MYOM1: variants seen among roughly 807,000 people sequenced by gnomAD.
MYOM1 encodes myomesin 1.
Under a neutral mutation model 205.3 loss-of-function variants are expected in MYOM1, and 164 were observed. The observed-to-expected ratio is 0.80, with a 90% CI of 0.70 to 0.91. MYOM1 has a LOEUF of 0.91. Among genes scored for constraint, MYOM1 ranks in the 40% least tolerant of loss-of-function variants. The probability of loss-of-function intolerance (pLI) is 0.00; values close to 1 mark genes in which losing one functional copy is unlikely to be tolerated. For synonymous variants in MYOM1, 772 were observed against 789.4 expected (o/e 0.98, Z 0.37); for missense variants, 2,011 against 2,127.3 (o/e 0.95, Z 1.08).
chr18:3,190,496 C>A (rs760122654), intron 3 of MYOM1: 1 of 152,158 alleles, frequency 6.6e-6, no homozygotes, highest in Non-Finnish European at 1.5e-5. Context: ...GATGAGTCCA[C>A]GTTGTTTCTG....
At position 3,176,153 on chromosome 18, in the gene MYOM1, A is replaced by G; in HGVS notation, c.930-19T>C. On this transcript the variant is annotated intron_variant, in intron 5 of 37. Transcript: ENST00000356443. ...TTTATACCTATAACAGAATGGAAAC[A>G]AAATGAAGTAAGTTGAAGTGTAAAC... 1.4e-6 allele frequency: 2 copies of G among 1,453,188 alleles called. No individual in the cohort carries two copies. The highest frequency in any genetic ancestry group is 1.9e-6 in the Non-Finnish European group (2 of 1,035,792). The allele number at this position is 1,453,188 out of a possible 1,614,324, so 90.0% of individuals were successfully genotyped here. A position where few individuals can be genotyped will look rare whatever the true frequency, so the allele number is the denominator to read the frequency against.
At chr18:3,153,458 A>T (rs1456843069) in intron 11 of MYOM1, among the ~76,000 whole-genome samples, 1 of 152,224 alleles carries the variant, frequency 6.6e-6, no homozygotes, top group African/African-American at 2.4e-5. Flanking sequence ...AATAAATAAT[A>T]GCCACAAGGT....
At chr18:3,247,279 G>T in the MYOM1 span, 1 of 152,260 alleles carries the variant, frequency 6.6e-6, no homozygotes, top group Non-Finnish European at 1.5e-5. Context: ...ACTGCACACA[G>T]AGCTAGCATC....
intron 37 of MYOM1, 73 bp downstream of exon 37, chr18:3,071,761 A>G: frequency 6.8e-7 from 1 of 1,466,702 alleles, no homozygotes; most frequent in Non-Finnish European, 9.4e-7. Flanking sequence ...CCTTAAAAGA[A>G]GGAACAAAAT....
At chr18:3,211,474 A>G (rs1412093748) in intron 2 of MYOM1, among the ~76,000 whole-genome samples, 1 of 152,032 alleles carries the variant, frequency 6.6e-6, no homozygotes, top group East Asian at 1.9e-4. Flanking sequence ...ATCATCCAAG[A>G]CTCTACTGAA....
rs1361223083 is a variant in MYOM1, at chr18:3,112,487, G to A, written c.3304-75C>T. ...GTTTTATGTCATTTAAACAGACGGG[G>A]CTCTTCCTCTGTAGTAATGATTTAG... On this transcript the variant is annotated intron_variant, in intron 21 of 37. Coordinates refer to ENST00000356443, the MANE Select transcript of MYOM1 (RefSeq NM_003803.4). 2.6e-6 allele frequency: 3 copies of A among 1,133,056 alleles called. No individual in the cohort carries two copies. In the East Asian group the frequency reaches 7.5e-5, roughly 28 times the overall value. 70.2% of individuals were successfully genotyped at this position (1,133,056 alleles called of 1,614,324 possible).
At chr18:3,149,095 C>T (rs753770155) in intron 13 of MYOM1, 50 bp downstream of exon 13, 32 of 1,549,114 alleles carry the variant, frequency 2.1e-5, no homozygotes, top group Non-Finnish European at 2.9e-5. Context: ...AAAAGGCAAA[C>T]TGCTTAGCAA....
intron 37 of MYOM1, among the ~76,000 whole-genome samples, chr18:3,069,969 A>G (rs749014989): frequency 1.2e-4 from 19 of 152,206 alleles, no homozygotes; most frequent in Admixed American, 3.3e-4. Context: ...TTTTCCAACC[A>G]TGAGGAAATG....
In MYOM1 at chr18:3,094,317, T is replaced by A; in HGVS notation, c.3728-11A>T. The A allele has an allele frequency of 6.3e-7, 1 of 1,587,608 alleles. No homozygotes were observed. Among genetic ancestry groups the A allele is most frequent in the Non-Finnish European group, 8.6e-7 (1 of 1,166,730 alleles). On this transcript the variant is annotated splice_polypyrimidine_tract_variant and intron_variant, in intron 25 of 37. Coordinates refer to ENST00000356443, the MANE Select transcript of MYOM1 (RefSeq NM_003803.4). ...ATTTAACTGGGACAGCTATGAAAAG[T>A]AAAAATAAACACAGTAATTATATTG...
At chr18:3,203,141 A>G (rs953519217) in intron 2 of MYOM1, among the ~76,000 whole-genome samples, 1 of 151,622 alleles carries the variant, frequency 6.6e-6, no homozygotes, top group African/African-American at 2.4e-5. Context: ...GGATACAGCT[A>G]AAGCAGTACT....
rs764117510 is a variant in MYOM1 at position 3,134,764 on chromosome 18, A to G, written c.2270T>C (p.Val757Ala). ...PSRNTDTSVV[V>A]SWEESKDAKE... ...GGCATCTTTGGACTCCTCCCACGAAACTACCACTGAGGTGTCTGTGTTTCT... is the reference window on the plus strand; with the variant it reads ...GGCATCTTTGGACTCCTCCCACGAAGCTACCACTGAGGTGTCTGTGTTTCT... Residue 757 changes from valine to alanine, a missense_variant, in exon 16 of 38, where the codon GTT (valine) becomes GCT (alanine). Physicochemically the swap from Val to Ala is moderately conservative, Grantham distance 64. Coordinates refer to ENST00000356443, the MANE Select transcript of MYOM1 (RefSeq NM_003803.4). 7 of 1,613,674 alleles carry G rather than the reference A, an allele frequency of 4.3e-6. No individual in the cohort carries two copies. In the East Asian group the frequency reaches 1.6e-4, roughly 36 times the overall value.
chr18:3,157,236 G>A (rs1289118240), intron 10 of MYOM1, among the ~76,000 whole-genome samples: 1 of 152,162 alleles, frequency 6.6e-6, no homozygotes, highest in African/African-American at 2.4e-5. Context: ...GGCATTCAGG[G>A]AGCCATTGTT....
chr18:3,129,661 G>T, intron 17 of MYOM1, 142 bp from the exon 18 acceptor site: 1 of 791,922 alleles, frequency 1.3e-6, no homozygotes, highest in Admixed American at 3.1e-5. Flanking sequence ...GCTCACATTT[G>T]CAAGAAATAT....
chr18:3,246,597 G>A, the MYOM1 span: 1 of 152,176 alleles, frequency 6.6e-6, no homozygotes, highest in Non-Finnish European at 1.5e-5. Flanking sequence ...ACGTTCCCGA[G>A]ATCCCTCAAG....
At chr18:3,164,147 G>T in intron 10 of MYOM1, 131 bp downstream of exon 10, 1 of 1,015,998 alleles carries the variant, frequency 9.8e-7, no homozygotes, top group Non-Finnish European at 1.4e-6. Flanking sequence ...GTGAGACATT[G>T]CACCCTGCCA....
intron 29 of MYOM1, among the ~76,000 whole-genome samples, chr18:3,087,961 G>A (rs1387283696): frequency 1.3e-5 from 2 of 152,204 alleles, no homozygotes; most frequent in African/African-American, 4.8e-5. Flanking sequence ...AAAGAGCTAT[G>A]CGAAGACAGA....
intron 10 of MYOM1, among the ~76,000 whole-genome samples, chr18:3,158,373 T>G (rs952584659): frequency 6.6e-6 from 1 of 152,222 alleles, no homozygotes; most frequent in Non-Finnish European, 1.5e-5. Flanking sequence ...AATATCTATA[T>G]TTCTTCCAAT....
At chr18:3,076,320 G>T (rs1425549575) in intron 34 of MYOM1, among the ~76,000 whole-genome samples, 1 of 152,126 alleles carries the variant, frequency 6.6e-6, no homozygotes, top group Non-Finnish European at 1.5e-5. Context: ...TGCCCGTCTC[G>T]GCCTCCCAAA....
chr18:3,111,331 A>G (rs545984374), intron 22 of MYOM1, among the ~76,000 whole-genome samples: 3 of 145,490 alleles, frequency 2.1e-5, no homozygotes, highest in African/African-American at 7.7e-5. Context: ...AGAAATTATT[A>G]TGTAATGATC....
Sources: allele counts gnomAD v4.1 joint callset (sites outside exome capture counted in the v4.1 genomes callset), GRCh38; gene constraint gnomAD v4.1.1; transcripts MANE v1.5; gene names NCBI Gene and HGNC (gene_info 2026-07-23, HGNC 2026-07-21).